The following TANC1 variants were observed in gnomAD, a reference collection of about 807,000 sequenced individuals.
TANC1 encodes tetratricopeptide repeat, ankyrin repeat and coiled-coil containing 1, also known as protein TANC1.
Under a neutral mutation model 149.7 loss-of-function variants are expected in TANC1, and 77 were observed. That is an observed-to-expected ratio of 0.51 (90% CI 0.43 to 0.62). TANC1 has a LOEUF of 0.62. Ranked by LOEUF, TANC1 falls within the 20% of genes least tolerant of loss-of-function variation. The pLI, the probability that TANC1 is intolerant of heterozygous loss-of-function variation, is 0.00. For missense variants in TANC1, 1,985 were observed against 2,321.8 expected, an observed-to-expected ratio of 0.85 and a Z score of 2.98; for synonymous variants, 854 against 925.0, an observed-to-expected ratio of 0.92 and a Z score of 1.39.
chr2:158,995,638 T>A (rs115295116), intron 1 of TANC1, among the ~76,000 whole-genome samples: 1,861 of 152,280 alleles, frequency 0.012, 22 homozygotes, highest in Non-Finnish European at 0.018. Flanking sequence ...AGAGGGGCAG[T>A]CTTATACCTG....
intron 3 of TANC1, among the ~76,000 whole-genome samples, chr2:159,077,644 G>T (rs2043834548): frequency 6.6e-6 from 1 of 151,990 alleles, no homozygotes; most frequent in Admixed American, 6.6e-5. Context: ...TTTCATATTG[G>T]CACATATCGA....
rs34254103 is a variant in TANC1, at chr2:159,017,696, AT to A, written c.-16+16508del. Among the ~76,000 whole-genome samples the A allele has an allele frequency of 8.0e-5, 6 of 74,798 alleles. No individual in the cohort carries two copies. In the South Asian group the frequency reaches 2.2e-3, roughly 27 times the overall value. The allele number at this position is 74,798 out of a possible 152,430, so 49.1% of individuals were successfully genotyped here. A position where few individuals can be genotyped will look rare whatever the true frequency, so the allele number is the denominator to read the frequency against. On this transcript the variant is annotated intron_variant, in intron 2 of 26. Transcript: ENST00000263635. ...CAGTCTGGGTAACAACAACAACAAA[AT>A]ATATATATATATATATGAAAGAAAG...
chr2:159,076,620 A>G (rs1026883629), intron 3 of TANC1, among the ~76,000 whole-genome samples: 4 of 152,244 alleles, frequency 2.6e-5, no homozygotes, highest in South Asian at 2.1e-4. Context: ...CCATGGCTGC[A>G]TGCTCTTAGA....
rs1259627371 is a variant in TANC1 at position 159,089,763 on chromosome 2, C to T, written c.62-7874C>T. On this transcript the variant is annotated intron_variant, in intron 3 of 26. Coordinates refer to ENST00000263635, the MANE Select transcript of TANC1 (RefSeq NM_033394.3). ...CCATCAATGACAGGACTGTGGCAGG[C>T]TCAGCACTGCTGGCATCCAACCTTC... Among the ~76,000 whole-genome samples the T allele has an allele frequency of 2.0e-5, 3 of 152,212 alleles. No individual in the cohort carries two copies. In the South Asian group the frequency reaches 6.2e-4, roughly 32 times the overall value.
intron 22 of TANC1, among the ~76,000 whole-genome samples, chr2:159,223,964 A>G (rs2059861439): frequency 4.6e-5 from 7 of 152,182 alleles, no homozygotes; most frequent in Admixed American, 4.6e-4. Context: ...ACAGAGACAG[A>G]TCACGCATGT....
At chr2:158,980,389 CCTGA>C (rs1320626064) in intron 1 of TANC1, among the ~76,000 whole-genome samples, 2 of 151,790 alleles carry the variant, frequency 1.3e-5, no homozygotes, top group South Asian at 2.1e-4. Flanking sequence ...TGTAATTTTG[CCTGA>C]CTAACTTTGC....
chr2:159,019,682 TTTTTG>T, intron 2 of TANC1, among the ~76,000 whole-genome samples: 1 of 101,506 alleles, frequency 9.9e-6, no homozygotes, highest in African/African-American at 4.0e-5. Context: ...TTTTTTTTTT[TTTTTG>T]AGGCAGAGTC....
At chr2:159,000,885 C>T (rs1261056963) in intron 1 of TANC1, among the ~76,000 whole-genome samples, 195 bp from the exon 2 acceptor site, 4 of 152,272 alleles carry the variant, frequency 2.6e-5, no homozygotes, top group Non-Finnish European at 5.9e-5. Context: ...ACTGACCCTG[C>T]GCTGGACACT....
chr2:159,205,456 T>C (rs1470240847), intron 19 of TANC1, among the ~76,000 whole-genome samples: 1 of 152,356 alleles, frequency 6.6e-6, no homozygotes, highest in African/African-American at 2.4e-5. Flanking sequence ...CTGTCAGCGA[T>C]GGACTGCATG....
intron 17 of TANC1, among the ~76,000 whole-genome samples, chr2:159,196,088 A>C (rs1041747013): frequency 2.6e-5 from 4 of 152,144 alleles, no homozygotes; most frequent in African/African-American, 9.7e-5. Flanking sequence ...GGCCTACATG[A>C]GACCTCCTTC....
intron 7 of TANC1, among the ~76,000 whole-genome samples, chr2:159,159,691 C>CGT (rs371748384): frequency 0.024 from 2,844 of 117,646 alleles, 32 homozygotes; most frequent in African/African-American, 0.028. Context: ...CATACACATA[C>CGT]GTGTGTGTGT....
intron 4 of TANC1, among the ~76,000 whole-genome samples, chr2:159,111,068 G>A (rs2047672824): frequency 6.6e-6 from 1 of 152,206 alleles, no homozygotes. Context: ...CCCTATACAG[G>A]AAGCCAGCTC....
At chr2:159,007,116 A>C (rs1193259835) in intron 2 of TANC1, among the ~76,000 whole-genome samples, 1 of 143,698 alleles carries the variant, frequency 7.0e-6, no homozygotes. Context: ...ATACAGGTGT[A>C]CTGTTTTTTA....
intron 2 of TANC1, among the ~76,000 whole-genome samples, chr2:159,053,015 A>G (rs1301754913): frequency 6.6e-6 from 1 of 152,190 alleles, no homozygotes; most frequent in African/African-American, 2.4e-5. Flanking sequence ...GAGGGTACAG[A>G]TTGCTGAAGC....
intron 4 of TANC1, among the ~76,000 whole-genome samples, chr2:159,116,650 G>A (rs1252599988): frequency 6.6e-6 from 1 of 152,110 alleles, no homozygotes; most frequent in Non-Finnish European, 1.5e-5. Flanking sequence ...GTAAATGAGT[G>A]GTCATGGCTG....
At chr2:159,029,872 C>T (rs1055619693) in intron 2 of TANC1, among the ~76,000 whole-genome samples, 1 of 152,020 alleles carries the variant, frequency 6.6e-6, no homozygotes, top group Non-Finnish European at 1.5e-5. Context: ...TTTAACATAG[C>T]GATATGGGGT....
chr2:159,069,026 C>T (rs919559522), intron 3 of TANC1, among the ~76,000 whole-genome samples: 89 of 152,182 alleles, frequency 5.8e-4, no homozygotes, highest in African/African-American at 2.1e-3. Flanking sequence ...CAAATATGAG[C>T]CACTGCGCCC....
At chr2:159,188,351 T>C (rs897804089) in intron 16 of TANC1, among the ~76,000 whole-genome samples, 1 of 152,264 alleles carries the variant, frequency 6.6e-6, no homozygotes, top group Non-Finnish European at 1.5e-5. Flanking sequence ...TCTGGGATGA[T>C]TACTTGGTAG....
intron 1 of TANC1, among the ~76,000 whole-genome samples, chr2:158,987,695 T>C (rs1227103770): frequency 6.6e-6 from 1 of 152,132 alleles, no homozygotes; most frequent in Admixed American, 6.5e-5. Flanking sequence ...TGGGATAAGG[T>C]CCCAGTTTAG....
Sources: allele counts gnomAD v4.1 joint callset (sites outside exome capture counted in the v4.1 genomes callset), GRCh38; gene constraint gnomAD v4.1.1; transcripts MANE v1.5; gene names NCBI Gene and HGNC (gene_info 2026-07-23, HGNC 2026-07-21).